The following ZNF101 variants were observed in gnomAD, a reference collection of about 807,000 sequenced individuals.
The protein encoded by ZNF101 is zinc finger protein 101 (Y2).
Under a neutral mutation model 42.6 loss-of-function variants are expected in ZNF101, and 34 were observed. The ratio of observed to expected loss-of-function variants is 0.80; its 90% CI spans 0.61 to 1.06. The LOEUF (loss-of-function observed/expected upper bound fraction) is 1.06. ZNF101 is among the 50% of genes least tolerant of loss of function. ZNF101 has a pLI of 0.00. For synonymous variants in ZNF101, 158 were observed against 183.9 expected, an observed-to-expected ratio of 0.86 and a Z score of 1.14; for missense variants, 466 against 530.9, an observed-to-expected ratio of 0.88 and a Z score of 1.20.
chr19:19,679,370 C>T lies in ZNF101; in HGVS notation c.381C>T (p.His127=). Residue 127 remains histidine (H), a synonymous_variant, in exon 4 of 4, where the codon CAC becomes CAT. Transcript: ENST00000592502. Reference sequence around the variant, plus strand: ...GGCACATGAGAGCTCATGCTGGACACAAACGATCTGAGTGTGGTGGGGAAT... The same window carrying T: ...GGCACATGAGAGCTCATGCTGGACATAAACGATCTGAGTGTGGTGGGGAAT... ...LDRHMRAHAG[H]KRSECGGEWR... is the part of the protein sequence containing the mutation. The T allele has an allele frequency of 6.2e-7, 1 of 1,614,124 alleles. No individual in the cohort carries two copies. Among genetic ancestry groups the T allele is most frequent in the Non-Finnish European group, 8.5e-7 (1 of 1,180,034 alleles).
intron 3 of ZNF101, 79 bp downstream of exon 3, chr19:19,678,865 G>A (rs2062219208): frequency 7.9e-7 from 1 of 1,264,010 alleles, no homozygotes; most frequent in African/African-American, 1.5e-5. Flanking sequence ...AAAAATACAA[G>A]ACAAATAAGT....
In ZNF101 at chr19:19,681,133, T is replaced by G. The variant is rs1389564468; in HGVS notation, c.*833T>G. ...TGTCTCAGAAAAAAAGGGAAAGAAA[T>G]AATTCTCATTTATACAGGAGAGAAA... On this transcript the variant is annotated 3_prime_UTR_variant, in exon 4 of 4. Coordinates refer to ENST00000592502, the MANE Select transcript of ZNF101 (RefSeq NM_033204.4). 2 of 151,980 alleles carry G rather than the reference T, an allele frequency of 1.3e-5. No individual in the cohort carries two copies. The highest frequency in any genetic ancestry group is 2.4e-5 in the African/African-American group (1 of 41,372). The allele number at this position is 151,980 out of a possible 1,614,324, so 9.4% of individuals were successfully genotyped here. A position where few individuals can be genotyped will look rare whatever the true frequency, so the allele number is the denominator to read the frequency against.
intron 1 of ZNF101, among the ~76,000 whole-genome samples, chr19:19,669,174 T>C (rs1484561025): frequency 6.6e-6 from 1 of 152,190 alleles, no homozygotes; most frequent in Non-Finnish European, 1.5e-5. Context: ...CGGAGCCCTC[T>C]CAGGGCAGCT....
rs1365070230 is a variant in ZNF101 at position 19,683,112 on chromosome 19, CTT to C, written c.*2814_*2815del. ...GAGCCACTGCGACCGGCCCATGAGT[CTT>C]TATTAATAGAGATTTCTTACTGGTG... On this transcript the variant is annotated 3_prime_UTR_variant, in exon 4 of 4. Coordinates refer to ENST00000592502, the MANE Select transcript of ZNF101 (RefSeq NM_033204.4). 8 of 152,084 alleles carry C rather than the reference CTT, an allele frequency of 5.3e-5. No individual in the cohort carries two copies. The highest frequency in any genetic ancestry group is 4.6e-4 in the Admixed American group (7 of 15,242). 9.4% of individuals were successfully genotyped at this position (152,084 alleles called of 1,614,324 possible). A position where few individuals can be genotyped will look rare whatever the true frequency, so the allele number is the denominator to read the frequency against.
Position 19,678,596 on chromosome 19 carries a change from C to G in ZNF101, c.131-130C>G, listed in dbSNP as rs546630614. 32 of 701,070 alleles carry G rather than the reference C, an allele frequency of 4.6e-5. No individual in the cohort carries two copies. The South Asian group carries it at 6.1e-4, about 13-fold the overall frequency. The allele number at this position is 701,070 out of a possible 1,614,324, so 43.4% of individuals were successfully genotyped here. A position where few individuals can be genotyped will look rare whatever the true frequency, so the allele number is the denominator to read the frequency against. On this transcript the variant is annotated intron_variant, in intron 2 of 3. Transcript: ENST00000592502. The stretch of plus-strand genomic sequence containing the variant: ...CATCACTGCACTCCAGCCTGGGTGG[C>G]AGAGTGAGACTTTGTCTCCAAAAAA...
In ZNF101 at chr19:19,670,399, C is replaced by T. The variant is rs536138657; in HGVS notation, c.3+1433C>T. 3.6e-4 allele frequency among the ~76,000 whole-genome samples: 55 copies of T among 152,300 alleles called. 1 individual carries two copies. Among genetic ancestry groups the T allele is most frequent in the African/African-American group, 1.2e-3 (51 of 41,566 alleles). On this transcript the variant is annotated intron_variant, in intron 1 of 3. Transcript: ENST00000592502. The stretch of plus-strand genomic sequence containing the variant: ...GCTGGGACCACAGGCATGCGCCACG[C>T]CCGGCTAGTTTTTATTTTTTGTAGA...
intron 2 of ZNF101, 143 bp from the exon 3 acceptor site, chr19:19,678,583 C>CA (rs1024390519): frequency 7.6e-6 from 5 of 653,842 alleles, no homozygotes; most frequent in African/African-American, 1.9e-5. Flanking sequence ...TCACTGCACT[C>CA]CAGCCTGGGT....
chr19:19,678,640 G>T, intron 2 of ZNF101, 86 bp from the exon 3 acceptor site: 2 of 1,135,748 alleles, frequency 1.8e-6, no homozygotes, highest in Middle Eastern at 3.1e-4. Flanking sequence ...ATCAGGCATT[G>T]TGGCAGTGTT....
Position 19,668,944 on chromosome 19 carries a change from A to C in ZNF101, c.-20A>C, listed in dbSNP as rs769176832. 3.8e-6 allele frequency: 6 copies of C among 1,587,036 alleles called. No individual in the cohort carries two copies. Among genetic ancestry groups the C allele is most frequent in the Non-Finnish European group, 5.1e-6 (6 of 1,167,270 alleles). The stretch of plus-strand genomic sequence containing the variant: ...GCTGCTCCAGCCCCAGGAAGGACCC[A>C]GGACACCCGGAAGCCGGAAATGGTG... On this transcript the variant is annotated 5_prime_UTR_variant, in exon 1 of 4. Transcript: ENST00000592502.
chr19:19,669,151 C>G (rs1200972596), intron 1 of ZNF101, among the ~76,000 whole-genome samples, 185 bp downstream of exon 1: 1 of 152,210 alleles, frequency 6.6e-6, no homozygotes, highest in African/African-American at 2.4e-5. Flanking sequence ...CCCCGGGTGT[C>G]CTGTCCCGGC....
rs1422353536 is a variant in ZNF101 at position 19,680,206 on chromosome 19, C to T, written c.1217C>T (p.Ser406Leu). ...CKQCGKVFTF[S>L]NYLRLHERTH... Reference sequence around the variant, plus strand: ...CAGTGTGGTAAAGTCTTTACTTTTTCAAATTACCTTAGACTTCATGAAAGA... The same window carrying T: ...CAGTGTGGTAAAGTCTTTACTTTTTTAAATTACCTTAGACTTCATGAAAGA... Residue 406 changes from serine (S) to leucine (L), a missense_variant, in exon 4 of 4, where the codon TCA (serine) becomes TTA (leucine). Coordinates refer to ENST00000592502, the MANE Select transcript of ZNF101 (RefSeq NM_033204.4). 6.3e-7 allele frequency: 1 copy of T among 1,599,230 alleles called. No individual in the cohort carries two copies. Among genetic ancestry groups the T allele is most frequent in the East Asian group, 2.2e-5 (1 of 44,778 alleles).
chr19:19,676,388 T>G (rs2062203152), intron 1 of ZNF101: 1 of 152,054 alleles, frequency 6.6e-6, no homozygotes, highest in Non-Finnish European at 1.5e-5. Context: ...GCCTGCTCTG[T>G]TATTAACCAA....
In ZNF101 at chr19:19,682,302, C is replaced by T. The variant is rs1472217397; in HGVS notation, c.*2002C>T. ...TGGCGCGATCTTGACTCACTGTAAC[C>T]TCTGACTTCTGGGTTCAAGCAATTC... On this transcript the variant is annotated 3_prime_UTR_variant, in exon 4 of 4. Coordinates refer to ENST00000592502, the MANE Select transcript of ZNF101 (RefSeq NM_033204.4). The T allele has an allele frequency of 6.6e-6, 1 of 151,986 alleles. No individual in the cohort carries two copies. Among genetic ancestry groups the T allele is most frequent in the African/African-American group, 2.4e-5 (1 of 41,350 alleles). The allele number at this position is 151,986 out of a possible 1,614,324, so 9.4% of individuals were successfully genotyped here.
intron 1 of ZNF101, among the ~76,000 whole-genome samples, chr19:19,669,519 A>G (rs537499642): frequency 1.3e-5 from 2 of 152,182 alleles, no homozygotes; most frequent in South Asian, 4.1e-4. Context: ...TTTGAGACGG[A>G]GTCTCACTCT....
chr19:19,668,804 A>G, upstream of ZNF101: 1 of 900,512 alleles, frequency 1.1e-6, no homozygotes, highest in Non-Finnish European at 1.6e-6. Flanking sequence ...GCAACTTCCA[A>G]AGCCCGAAGC....
chr19:19,674,302 G>A (rs1055703357), intron 1 of ZNF101, among the ~76,000 whole-genome samples: 2 of 151,796 alleles, frequency 1.3e-5, no homozygotes, highest in South Asian at 4.2e-4. Flanking sequence ...TTAGCCTCTC[G>A]AGTAGCTGGG....
chr19:19,677,984 T>C lies in ZNF101; in HGVS notation c.124T>C (p.Ser42Pro), dbSNP rs774474997. 1 of 1,610,464 alleles carries C rather than the reference T, an allele frequency of 6.2e-7. No individual in the cohort carries two copies. Among genetic ancestry groups the C allele is most frequent in the Non-Finnish European group, 8.5e-7 (1 of 1,177,804 alleles). Reference sequence around the variant, plus strand: ...GCTGGAAACCTTCAGGAACCTGGCCTCGGTCGGTAAGAAGGACATTTCCTT... The same window carrying C: ...GCTGGAAACCTTCAGGAACCTGGCCCCGGTCGGTAAGAAGGACATTTCCTT... ...VTLETFRNLA[S>P]VGIQWKDQDI... is the part of the protein sequence containing the mutation. Residue 42 changes from serine (S) to proline (P), a missense_variant, in exon 2 of 4, where the codon TCG (serine) becomes CCG (proline). Transcript: ENST00000592502.
In ZNF101 at chr19:19,668,841, T is replaced by G; in HGVS notation, c.-123T>G. ...GTCTCATTTCCCGCCGGCCCCCCATTCGGGTCCGGGTTTTAGTTCCTCGGG... is the reference window on the plus strand; with the variant it reads ...GTCTCATTTCCCGCCGGCCCCCCATGCGGGTCCGGGTTTTAGTTCCTCGGG... On this transcript the variant is annotated 5_prime_UTR_variant, in exon 1 of 4. The change creates a new upstream start codon in the 5' untranslated region. Transcript: ENST00000592502. The G allele has an allele frequency of 7.7e-7, 1 of 1,298,330 alleles. No homozygotes were observed. Among genetic ancestry groups the G allele is most frequent in the African/African-American group, 1.5e-5 (1 of 65,370 alleles). The allele number at this position is 1,298,330 out of a possible 1,614,324, so 80.4% of individuals were successfully genotyped here.
chr19:19,669,078 C>G lies in ZNF101; in HGVS notation c.3+112C>G, dbSNP rs1310112851. On this transcript the variant is annotated intron_variant, in intron 1 of 3. Coordinates refer to ENST00000592502, the MANE Select transcript of ZNF101 (RefSeq NM_033204.4). ...CTGTGGGGGTCTGGGACCCGAGTCC[C>G]CCAGGCGCAGCTCGACCCTTGGTCC... The G allele has an allele frequency of 2.8e-6, 4 of 1,422,028 alleles. No homozygotes were observed. In the African/African-American group the frequency reaches 5.7e-5, roughly 20 times the overall value. 88.1% of individuals were successfully genotyped at this position (1,422,028 alleles called of 1,614,324 possible).
Sources: allele counts gnomAD v4.1 joint callset (sites outside exome capture counted in the v4.1 genomes callset), GRCh38; gene constraint gnomAD v4.1.1; transcripts MANE v1.5; gene names NCBI Gene and HGNC (gene_info 2026-07-23, HGNC 2026-07-21).